CD8A: variants seen among roughly 807,000 people sequenced by gnomAD.
CD8A encodes the protein T-cell surface glycoprotein CD8 alpha chain.
Under a neutral mutation model 24.2 loss-of-function variants are expected in CD8A, and 25 were observed. The ratio of observed to expected loss-of-function variants is 1.03; its 90% CI spans 0.75 to 1.44. CD8A has a LOEUF of 1.44. Among genes scored for constraint, CD8A ranks in the 40% most tolerant of loss-of-function variants. The pLI, the probability that CD8A is intolerant of heterozygous loss-of-function variation, is 0.00. For missense variants in CD8A, 360 were observed against 319.7 expected, an observed-to-expected ratio of 1.13 and a Z score of -0.96; for synonymous variants, 165 against 149.9, an observed-to-expected ratio of 1.10 and a Z score of -0.74.
rs143411039 is a variant in CD8A at position 86,801,543 on chromosome 2, C to T, written c.-303G>A. The T allele has an allele frequency of 6.1e-3, 930 of 152,260 alleles. 2 individuals are homozygous for T. The highest frequency in any genetic ancestry group is 0.01 in the Non-Finnish European group (706 of 68,162). The allele number at this position is 152,260 out of a possible 1,614,324, so 9.4% of individuals were successfully genotyped here. On this transcript the variant is annotated 5_prime_UTR_variant, in exon 3 of 9. Coordinates refer to the CD8A transcript ENST00000409511. ...AATTTTTGTAGAGATGGGGGTTCACCATGTTGCCCAGGCTGGTCTTGAACT... is the reference window on the plus strand; with the variant it reads ...AATTTTTGTAGAGATGGGGGTTCACTATGTTGCCCAGGCTGGTCTTGAACT...
exon 1 of CD8A, chr2:86,808,207 G>A (rs1369892148): frequency 6.6e-6 from 1 of 152,552 alleles, no homozygotes; most frequent in Non-Finnish European, 1.5e-5. Context: ...AGGGGGTCAG[G>A]GCCTGGGCAG....
intron 2 of CD8A, among the ~76,000 whole-genome samples, chr2:86,803,619 T>C (rs1393872212): frequency 1.3e-5 from 2 of 152,254 alleles, no homozygotes; most frequent in East Asian, 1.9e-4. Flanking sequence ...TGGCGCAATT[T>C]TGGCTCACCG....
At position 86,790,411 on chromosome 2, in the gene CD8A, C is replaced by T. The variant is rs780835924; in HGVS notation, c.320G>A (p.Arg107Gln). The stretch of plus-strand genomic sequence containing the variant: ...GCAGAAATAGTAGCCCTCGTTCTCT[C>T]GGCGGAAGTCGCTCAGGGTGAGGAC... ...TFVLTLSDFR[R>Q]ENEGYYFCSA... is the part of the protein sequence containing the mutation. The change falls in exon 2 of 6, where the codon CGA (arginine) becomes CAA (glutamine). Residue 107 changes from arginine to glutamine, a missense_variant. Physicochemically the swap from Arg to Gln is conservative, Grantham distance 43. Coordinates refer to ENST00000283635, the MANE Select transcript of CD8A (RefSeq NM_001768.7). 4.3e-6 allele frequency: 7 copies of T among 1,614,044 alleles called. No individual in the cohort carries two copies. The East Asian group carries it at 1.3e-4, about 31-fold the overall frequency.
Position 86,790,813 on chromosome 2 carries a change from C to T in CD8A, c.13G>A (p.Val5Met). The part of the protein sequence containing the change: MALP[V>M]TALLLPLALL... Reference sequence around the variant, plus strand: ...GCCAGCGGCAGGAGCAAGGCGGTCACTGGTAAGGCCATGACGCGCTCCCCA... The same window carrying T: ...GCCAGCGGCAGGAGCAAGGCGGTCATTGGTAAGGCCATGACGCGCTCCCCA... The change falls in exon 1 of 6, where the codon GTG (valine) becomes ATG (methionine). Residue 5 changes from valine (V) to methionine (M), a missense_variant. Val to Met is a conservative substitution (Grantham distance 21). Coordinates refer to ENST00000283635, the MANE Select transcript of CD8A (RefSeq NM_001768.7). 1 of 1,549,610 alleles carries T rather than the reference C, an allele frequency of 6.5e-7. No individual in the cohort carries two copies. The highest frequency in any genetic ancestry group is 1.3e-5 in the African/African-American group (1 of 74,138).
chr2:86,788,854 CG>C (rs1673134358), intron 4 of CD8A, among the ~76,000 whole-genome samples: 1 of 152,170 alleles, frequency 6.6e-6, no homozygotes, highest in Admixed American at 6.5e-5. Flanking sequence ...ACTACAGACG[CG>C]GGCGAAAGCG....
intron 2 of CD8A, 31 bp downstream of exon 2, chr2:86,790,297 G>T: frequency 6.7e-7 from 1 of 1,499,948 alleles, no homozygotes; most frequent in Non-Finnish European, 9.3e-7. Flanking sequence ...CAAGCCCCAC[G>T]CGGAGAGGTG....
At position 86,784,912 on chromosome 2, in the gene CD8A, A is replaced by G. The variant is rs565987851; in HGVS notation, c.*1008T>C. ...TTTGGGCTCTCAGCCTCCTTAAGAG[A>G]GTCAGGTCTGCCTCATCCCTGTATC... On this transcript the variant is annotated 3_prime_UTR_variant, in exon 6 of 6. Coordinates refer to ENST00000283635, the MANE Select transcript of CD8A (RefSeq NM_001768.7). 8.8e-6 allele frequency: 4 copies of G among 454,072 alleles called. No individual in the cohort carries two copies. The highest frequency in any genetic ancestry group is 8.0e-5 in the African/African-American group (4 of 50,116). The allele number at this position is 454,072 out of a possible 1,614,324, so 28.1% of individuals were successfully genotyped here. A position where few individuals can be genotyped will look rare whatever the true frequency, so the allele number is the denominator to read the frequency against.
intron 2 of CD8A, among the ~76,000 whole-genome samples, chr2:86,803,723 A>G (rs1673750284): frequency 6.6e-6 from 1 of 152,126 alleles, no homozygotes; most frequent in South Asian, 2.1e-4. Flanking sequence ...GGCTAATTGT[A>G]TTTTTAGTAG....
Position 86,785,874 on chromosome 2 carries a change from A to T in CD8A, c.*46T>A, listed in dbSNP as rs762392584. On this transcript the variant is annotated 3_prime_UTR_variant, in exon 6 of 6. Transcript: ENST00000283635. Reference sequence around the variant, plus strand: ...GAAAGGGAAGGACTTGCTCCCTCAAAAGGAAGGATCTCAGTTTGAAGTAAT... The same window carrying T: ...GAAAGGGAAGGACTTGCTCCCTCAATAGGAAGGATCTCAGTTTGAAGTAAT... 7.1e-7 allele frequency: 1 copy of T among 1,402,488 alleles called. No individual in the cohort carries two copies. The highest frequency in any genetic ancestry group is 1.4e-5 in the African/African-American group (1 of 70,766). The allele number at this position is 1,402,488 out of a possible 1,614,324, so 86.9% of individuals were successfully genotyped here. A position where few individuals can be genotyped will look rare whatever the true frequency, so the allele number is the denominator to read the frequency against.
chr2:86,801,352 T>TTC (rs375570069), intron 3 of CD8A, among the ~76,000 whole-genome samples: 9 of 148,698 alleles, frequency 6.1e-5, no homozygotes, highest in Non-Finnish European at 7.5e-5. Flanking sequence ...CTTTCTCCCT[T>TTC]TCTCTCTCTC....
chr2:86,788,245 GTTTTTTTT>G (rs10663115), intron 5 of CD8A, among the ~76,000 whole-genome samples: 25 of 127,094 alleles, frequency 2.0e-4, no homozygotes, highest in Middle Eastern at 4.5e-3. Flanking sequence ...AATCCCTCAG[GTTTTTTTT>G]TTTTTTTTTT....
At chr2:86,788,373 G>A (rs1477327732) in intron 5 of CD8A, among the ~76,000 whole-genome samples, 157 bp downstream of exon 5, 1 of 150,608 alleles carries the variant, frequency 6.6e-6, no homozygotes, top group Non-Finnish European at 1.5e-5. Flanking sequence ...TGCCAGCCTT[G>A]GCCTCTCTTT....
chr2:86,793,417 CAT>C (rs1673375780), upstream of CD8A, among the ~76,000 whole-genome samples: 1 of 151,710 alleles, frequency 6.6e-6, no homozygotes, highest in East Asian at 1.9e-4. Flanking sequence ...TCGATGTATG[CAT>C]GTGTGTGTGT....
At chr2:86,801,352 TTCTCTCTC>T (rs375570069) in intron 3 of CD8A, among the ~76,000 whole-genome samples, 3 of 148,716 alleles carry the variant, frequency 2.0e-5, no homozygotes, top group Non-Finnish European at 4.5e-5. Context: ...CTTTCTCCCT[TTCTCTCTC>T]TCTCTCTCTT....
chr2:86,791,541 C>T, upstream of CD8A: 1 of 454,204 alleles, frequency 2.2e-6, no homozygotes, highest in Non-Finnish European at 4.4e-6. Flanking sequence ...GGAGCCATTG[C>T]AACAGCCTTC....
At chr2:86,799,629 G>A (rs563849476) in intron 3 of CD8A, among the ~76,000 whole-genome samples, 6 of 152,280 alleles carry the variant, frequency 3.9e-5, no homozygotes, top group African/African-American at 1.2e-4. Context: ...GGTGGCGGGC[G>A]CCTGTAGTCC....
intron 2 of CD8A, among the ~76,000 whole-genome samples, chr2:86,805,066 G>C (rs59200172): frequency 6.6e-6 from 1 of 151,394 alleles, no homozygotes; most frequent in Non-Finnish European, 1.5e-5. Flanking sequence ...GCCTTCCTAA[G>C]TGTTGGGATT....
rs114320823 is a variant in CD8A at position 86,806,469 on chromosome 2, C to T, written c.-418+978G>A. ...CCTTGTCCTTGGCCTGCAGCAACTC[C>T]TCTTTCTCTTTTTGTGGGGACAGAC... On this transcript the variant is annotated intron_variant, in intron 2 of 8. Transcript: ENST00000409511. Among the ~76,000 whole-genome samples, 850 of 152,372 alleles carry T rather than the reference C, an allele frequency of 5.6e-3. 10 individuals are homozygous for T. The highest frequency in any genetic ancestry group is 0.019 in the African/African-American group (800 of 41,584).
chr2:86,796,156 G>C (rs934849582), intron 3 of CD8A, among the ~76,000 whole-genome samples: 1 of 152,208 alleles, frequency 6.6e-6, no homozygotes, highest in Non-Finnish European at 1.5e-5. Flanking sequence ...AGCTAGCATT[G>C]AGAAATTCAT....
Sources: allele counts gnomAD v4.1 joint callset (sites outside exome capture counted in the v4.1 genomes callset), GRCh38; gene constraint gnomAD v4.1.1; transcripts MANE v1.5; gene names NCBI Gene and HGNC (gene_info 2026-07-23, HGNC 2026-07-21).